CSMD3: variants seen among roughly 807,000 people sequenced by gnomAD.
CSMD3 encodes CUB and Sushi multiple domains 3, also known as CUB and sushi domain-containing protein 3.
A neutral mutation model predicts 435.2 loss-of-function variants in CSMD3; 177 were observed. The observed-to-expected ratio is 0.41, with a 90% CI of 0.36 to 0.46. The LOEUF (loss-of-function observed/expected upper bound fraction) is 0.46, where lower values mean the gene tolerates loss of function less well. Ranked by LOEUF, CSMD3 falls within the 20% of genes least tolerant of loss-of-function variation. The pLI is 0.34. For missense variants in CSMD3, 4,265 were observed against 4,504.6 expected, an observed-to-expected ratio of 0.95 and a Z score of 1.52; for synonymous variants, 1,656 against 1,520.5, an observed-to-expected ratio of 1.09 and a Z score of -2.07.
At chr8:112,827,103 A>G (rs2079706411) in intron 12 of CSMD3, among the ~76,000 whole-genome samples, 1 of 140,924 alleles carries the variant, frequency 7.1e-6, no homozygotes, top group Non-Finnish European at 1.5e-5. Flanking sequence ...AACCAGTTCT[A>G]ATAGTTGAGT....
intron 22 of CSMD3, among the ~76,000 whole-genome samples, chr8:112,608,584 CTA>C (rs142309902): frequency 1.5e-4 from 23 of 148,874 alleles, no homozygotes; most frequent in Middle Eastern, 6.9e-3. Context: ...GGCATGAAAA[CTA>C]TATATATATA....
chr8:113,165,461 A>T (rs1319342858), intron 4 of CSMD3, among the ~76,000 whole-genome samples: 1 of 152,154 alleles, frequency 6.6e-6, no homozygotes, highest in Non-Finnish European at 1.5e-5. Context: ...ACTCCAAGTA[A>T]ACAAAAGCCT....
chr8:112,329,869 G>T (rs1295392763), intron 45 of CSMD3, among the ~76,000 whole-genome samples: 3 of 151,958 alleles, frequency 2.0e-5, no homozygotes, highest in Non-Finnish European at 2.9e-5. Context: ...CCTCCTAACA[G>T]TTCTAGCAGT....
Position 113,020,881 on chromosome 8 carries a change from T to C in CSMD3, c.918-1702A>G, listed in dbSNP as rs116146451. Among the ~76,000 whole-genome samples, 997 of 152,234 alleles carry C rather than the reference T, an allele frequency of 6.5e-3. 11 individuals carry two copies. The highest frequency in any genetic ancestry group is 0.023 in the African/African-American group (956 of 41,544). ...CAGTGTTAAGGTGTAGGTACAGGGATGCAAGGACCCTCTAACCAATACTCT... is the reference window on the plus strand; with the variant it reads ...CAGTGTTAAGGTGTAGGTACAGGGACGCAAGGACCCTCTAACCAATACTCT... On this transcript the variant is annotated intron_variant, in intron 5 of 70. Transcript: ENST00000297405.
chr8:113,223,354 C>A (rs1449591149), intron 3 of CSMD3, among the ~76,000 whole-genome samples: 1 of 150,338 alleles, frequency 6.7e-6, no homozygotes, highest in Admixed American at 6.7e-5. Context: ...AGTGCAAGCT[C>A]TATGACTTCC....
At chr8:112,419,178 C>A (rs940244597) in intron 32 of CSMD3, among the ~76,000 whole-genome samples, 2 of 152,026 alleles carry the variant, frequency 1.3e-5, no homozygotes, top group African/African-American at 4.8e-5. Context: ...TGGTTATTAT[C>A]ATAGTACAAT....
intron 22 of CSMD3, among the ~76,000 whole-genome samples, chr8:112,627,562 A>G (rs1469503940): frequency 2.0e-5 from 3 of 152,272 alleles, no homozygotes; most frequent in Non-Finnish European, 4.4e-5. Flanking sequence ...CTTTGAACTT[A>G]CCAATTAGCA....
chr8:112,516,636 A>G (rs1438823633), intron 28 of CSMD3, among the ~76,000 whole-genome samples: 1 of 152,162 alleles, frequency 6.6e-6, no homozygotes, highest in East Asian at 1.9e-4. Flanking sequence ...AAATTCTGAC[A>G]TAGGTTCTGA....
rs1447465263 is a variant in CSMD3 at position 112,318,955 on chromosome 8, T to G, written c.7247-5A>C. Reference sequence around the variant, plus strand: ...ACTGATACCTAATAATATCACCTATTAAACAAAAGAGGGGAGGTTTCATAT... The same window carrying G: ...ACTGATACCTAATAATATCACCTATGAAACAAAAGAGGGGAGGTTTCATAT... On this transcript the variant is annotated splice_region_variant and splice_polypyrimidine_tract_variant and intron_variant, in intron 46 of 70. Coordinates refer to ENST00000297405, the MANE Select transcript of CSMD3 (RefSeq NM_198123.2). The G allele has an allele frequency of 6.5e-7, 1 of 1,542,804 alleles. No individual in the cohort carries two copies.
At chr8:112,402,063 C>T (rs969236057) in intron 35 of CSMD3, among the ~76,000 whole-genome samples, 3 of 152,164 alleles carry the variant, frequency 2.0e-5, no homozygotes, top group African/African-American at 7.2e-5. Flanking sequence ...ACAAAAACAA[C>T]CTATTTTCTT....
chr8:112,626,459 T>C (rs1471009651), intron 22 of CSMD3, among the ~76,000 whole-genome samples: 1 of 152,136 alleles, frequency 6.6e-6, no homozygotes. Context: ...ATATATATTT[T>C]CTATTATTTT....
chr8:112,676,088 G>A (rs1586944450), intron 16 of CSMD3, among the ~76,000 whole-genome samples: 1 of 152,126 alleles, frequency 6.6e-6, no homozygotes, highest in Non-Finnish European at 1.5e-5. Flanking sequence ...ACAACAGCAG[G>A]TTTAGAGTGA....
At chr8:112,791,837 C>T (rs894202682) in intron 13 of CSMD3, among the ~76,000 whole-genome samples, 5 of 152,072 alleles carry the variant, frequency 3.3e-5, no homozygotes, top group Admixed American at 3.3e-4. Flanking sequence ...TTTTATCTTC[C>T]TTCTAACAGT....
intron 13 of CSMD3, among the ~76,000 whole-genome samples, chr8:112,770,963 A>G (rs1019902315): frequency 2.6e-5 from 4 of 152,030 alleles, no homozygotes; most frequent in Non-Finnish European, 5.9e-5. Context: ...TCAAGATTGT[A>G]TAATAATGTC....
At chr8:113,193,666 C>T (rs1383365965) in intron 3 of CSMD3, among the ~76,000 whole-genome samples, 2 of 151,380 alleles carry the variant, frequency 1.3e-5, no homozygotes, top group Non-Finnish European at 3.0e-5. Flanking sequence ...CCTCTTTTAT[C>T]TAAACACAAA....
chr8:112,858,750 G>A (rs1019109602), intron 11 of CSMD3, among the ~76,000 whole-genome samples: 1 of 151,726 alleles, frequency 6.6e-6, no homozygotes, highest in Non-Finnish European at 1.5e-5. Flanking sequence ...GTGATATATA[G>A]CAATAGAGAA....
intron 13 of CSMD3, among the ~76,000 whole-genome samples, chr8:112,748,962 G>A (rs966578956): frequency 9.9e-5 from 15 of 152,120 alleles, no homozygotes; most frequent in Non-Finnish European, 2.1e-4. Context: ...CATCAACGGT[G>A]TATAAGGTTT....
intron 49 of CSMD3, among the ~76,000 whole-genome samples, chr8:112,311,742 A>C (rs534720034): frequency 1.9e-4 from 29 of 152,220 alleles, no homozygotes; most frequent in Non-Finnish European, 3.8e-4. Flanking sequence ...AAGTTTTTTC[A>C]TCTCCTGATG....
chr8:113,234,354 T>C (rs1046817180), intron 3 of CSMD3, among the ~76,000 whole-genome samples: 1 of 152,080 alleles, frequency 6.6e-6, no homozygotes, highest in South Asian at 2.1e-4. Flanking sequence ...CAAAGCAGAA[T>C]GATGATGTCA....
Sources: gnomAD v4.1 joint callset for allele counts (sites outside exome capture counted in the v4.1 genomes callset) on GRCh38, gnomAD v4.1.1 for gene constraint, MANE v1.5 for transcripts, NCBI Gene and HGNC (gene_info 2026-07-23, HGNC 2026-07-21) for gene names.